The following P2RY10 variants were observed in gnomAD, a reference collection of about 807,000 sequenced individuals.
P2RY10 encodes putative P2Y purinoceptor 10.
P2RY10 carries 4 observed loss-of-function variants against 12.1 expected under a neutral mutation model. The observed-to-expected ratio is 0.33, with a 90% confidence interval of 0.16 to 0.76. P2RY10 has a LOEUF of 0.76. P2RY10 is among the 30% of genes least tolerant of loss of function. P2RY10 has a pLI of 0.61. For synonymous variants in P2RY10, 112 were observed against 94.1 expected, an observed-to-expected ratio of 1.19 and a Z score of -1.10; for missense variants, 233 against 264.6, an observed-to-expected ratio of 0.88 and a Z score of 0.83.
chrX:78,946,780 C>T (rs1306305950), intron 1 of P2RY10, among the ~76,000 whole-genome samples: 1 of 112,128 alleles, frequency 8.9e-6, no homozygotes, highest in Non-Finnish European at 1.9e-5. Flanking sequence ...GATTCTTTGG[C>T]CAAATGCAGT....
At chrX:78,958,228 C>T (rs1022991738) in intron 3 of P2RY10, among the ~76,000 whole-genome samples, 4 of 112,748 alleles carry the variant, frequency 3.5e-5, no homozygotes, top group Admixed American at 9.4e-5. Flanking sequence ...ACAATGTGCT[C>T]TTCACATGTC....
chrX:78,954,670 T>C (rs1161002039), intron 3 of P2RY10, among the ~76,000 whole-genome samples: 2 of 112,440 alleles, frequency 1.8e-5, no homozygotes, highest in South Asian at 3.7e-4. Flanking sequence ...TGTAAACTTA[T>C]TGAAGGCAAC....
chrX:78,954,972 T>A (rs1922269672), intron 3 of P2RY10, among the ~76,000 whole-genome samples: 1 of 112,109 alleles, frequency 8.9e-6, no homozygotes, highest in Admixed American at 9.4e-5. Flanking sequence ...CCACCCTCTT[T>A]ATTTTTCTCT....
intron 3 of P2RY10, among the ~76,000 whole-genome samples, chrX:78,955,579 A>T (rs1047564434): frequency 8.9e-6 from 1 of 111,734 alleles, no homozygotes; most frequent in Admixed American, 9.5e-5. Context: ...AACAGATGGT[A>T]AATGTTTCTT....
intron 2 of P2RY10, among the ~76,000 whole-genome samples, chrX:78,950,023 C>A (rs1038986241): frequency 7.1e-5 from 8 of 112,011 alleles, no homozygotes; most frequent in African/African-American, 2.6e-4. Context: ...GGGAGGGGCC[C>A]CCATCAGCAA....
rs1258674105 is a variant in P2RY10 at position 78,958,119 on chromosome X, G to T, written c.-13-2389G>T. On this transcript the variant is annotated intron_variant, in intron 3 of 3. Coordinates refer to ENST00000171757, the MANE Select transcript of P2RY10 (RefSeq NM_014499.4). ...TAGGTGGTAGGGTGGGAACAGTGTG[G>T]CATAAGTAGGGACAGGTGTTTACTT... Among the ~76,000 whole-genome samples the T allele has an allele frequency of 4.4e-5, 5 of 112,460 alleles. No individual in the cohort carries two copies. In the Admixed American group the frequency reaches 4.7e-4, roughly 11 times the overall value.
intron 3 of P2RY10, among the ~76,000 whole-genome samples, chrX:78,956,141 T>C (rs868302750): frequency 1.1e-4 from 12 of 111,435 alleles, no homozygotes; most frequent in African/African-American, 3.9e-4. Flanking sequence ...TTTCTTGAGG[T>C]CCAGATAATA....
intron 3 of P2RY10, among the ~76,000 whole-genome samples, chrX:78,957,385 CACAGAG>C (rs1408377833): frequency 5.6e-4 from 46 of 81,917 alleles, no homozygotes; most frequent in Non-Finnish European, 6.2e-4. Context: ...CACACACACA[CACAGAG>C]AGAGAGAGAG....
At position 78,962,635 on chromosome X, in the gene P2RY10, T is replaced by C. The variant is rs755198141; in HGVS notation, c.*1095T>C. On this transcript the variant is annotated 3_prime_UTR_variant, in exon 4 of 4. Coordinates refer to ENST00000171757, the MANE Select transcript of P2RY10 (RefSeq NM_014499.4). ...AAGCTTCAGACCACAAGGTCTTAAG[T>C]GGTAAATAGATGCGTTGTCCTAATA... 2.7e-5 allele frequency among the ~76,000 whole-genome samples: 3 copies of C among 111,683 alleles called. No individual in the cohort carries two copies. The South Asian group carries it at 1.1e-3, about 41-fold the overall frequency.
At chrX:78,948,558 C>T (rs780223118) in intron 2 of P2RY10, among the ~76,000 whole-genome samples, 5 of 110,770 alleles carry the variant, frequency 4.5e-5, no homozygotes, top group Admixed American at 3.8e-4. Flanking sequence ...TTTAGTGCAC[C>T]CACCACCTCA....
intron 3 of P2RY10, among the ~76,000 whole-genome samples, chrX:78,952,948 G>A (rs984070016): frequency 2.7e-5 from 3 of 111,557 alleles, no homozygotes; most frequent in African/African-American, 9.8e-5. Context: ...GGGCTGATTA[G>A]CCACCATGGG....
intron 3 of P2RY10, among the ~76,000 whole-genome samples, chrX:78,956,135 T>C (rs1291092792): frequency 8.9e-6 from 1 of 111,819 alleles, no homozygotes; most frequent in African/African-American, 3.3e-5. Context: ...TGTCCTTTTC[T>C]TGAGGTCCAG....
At chrX:78,956,352 C>T (rs1030280642) in intron 3 of P2RY10, among the ~76,000 whole-genome samples, 4 of 111,525 alleles carry the variant, frequency 3.6e-5, no homozygotes, top group Admixed American at 9.5e-5. Context: ...GGGAAATAGT[C>T]GGCATCAGAA....
intron 3 of P2RY10, among the ~76,000 whole-genome samples, chrX:78,955,894 G>C (rs1922313323): frequency 9.0e-6 from 1 of 111,538 alleles, no homozygotes; most frequent in South Asian, 3.8e-4. Context: ...AATATATACT[G>C]ATTGAGTGTG....
chrX:78,949,087 T>A (rs1921984552), intron 2 of P2RY10, among the ~76,000 whole-genome samples: 1 of 112,105 alleles, frequency 8.9e-6, no homozygotes, highest in South Asian at 3.7e-4. Context: ...ATAGCCATTC[T>A]TGCAGTAACG....
At chrX:78,948,890 C>T (rs963404998) in intron 2 of P2RY10, among the ~76,000 whole-genome samples, 4 of 111,601 alleles carry the variant, frequency 3.6e-5, no homozygotes, top group Non-Finnish European at 5.7e-5. Flanking sequence ...TAGATTCATT[C>T]CACATCTTTG....
At chrX:78,955,976 T>C (rs1922316573) in intron 3 of P2RY10, among the ~76,000 whole-genome samples, 1 of 111,835 alleles carries the variant, frequency 8.9e-6, no homozygotes, top group Non-Finnish European at 1.9e-5. Context: ...TATGTTTTCT[T>C]TTCAAATGCA....
intron 2 of P2RY10, among the ~76,000 whole-genome samples, chrX:78,951,466 T>G (rs1311720571): frequency 1.8e-5 from 2 of 111,726 alleles, no homozygotes; most frequent in Non-Finnish European, 3.8e-5. Flanking sequence ...TAAAAATGCC[T>G]AATGCTCTGC....
intron 1 of P2RY10, among the ~76,000 whole-genome samples, chrX:78,947,225 T>A (rs1396281137): frequency 1.9e-5 from 2 of 107,053 alleles, no homozygotes; most frequent in African/African-American, 6.8e-5. Flanking sequence ...AAAAAAAAAA[T>A]AAAAAAAAGA....
Sources: allele counts gnomAD v4.1 joint callset (sites outside exome capture counted in the v4.1 genomes callset), GRCh38; gene constraint gnomAD v4.1.1; transcripts MANE v1.5; gene names NCBI Gene and HGNC (gene_info 2026-07-23, HGNC 2026-07-21).